Variants in PDE11A observed in about 807,000 individuals in gnomAD.
PDE11A encodes the protein phosphodiesterase 11A, also known as dual 3',5'-cyclic-AMP and -GMP phosphodiesterase 11A.
A neutral mutation model predicts 100.5 loss-of-function variants in PDE11A; 100 were observed. The ratio of observed to expected loss-of-function variants is 1.00; its 90% CI spans 0.85 to 1.18. The LOEUF (loss-of-function observed/expected upper bound fraction) is 1.18. Ranked by LOEUF, PDE11A falls within the 50% of genes most tolerant of loss-of-function variation. The pLI is 0.00. For missense variants in PDE11A, 1,141 were observed against 1,152.6 expected (o/e 0.99, Z 0.15); for synonymous variants, 381 against 420.8 (o/e 0.91, Z 1.16).
intron 17 of PDE11A, 115 bp downstream of exon 17, chr2:177,675,340 T>A (rs569604307): frequency 1.3e-6 from 1 of 774,558 alleles, no homozygotes; most frequent in Admixed American, 1.9e-5. Flanking sequence ...ATGTTAATAC[T>A]GATGCAAATT....
intron 4 of PDE11A, among the ~76,000 whole-genome samples, chr2:177,894,429 G>A (rs1001429745): frequency 6.6e-6 from 1 of 152,034 alleles, no homozygotes; most frequent in African/African-American, 2.4e-5. Context: ...TCCGTATGGT[G>A]TTACAGGAGC....
chr2:177,645,336 T>C (rs61311927), intron 19 of PDE11A, among the ~76,000 whole-genome samples: 29,649 of 152,060 alleles, frequency 0.19, 4,600 homozygotes, highest in African/African-American at 0.43. Flanking sequence ...CAGGTGTGTG[T>C]CACCAGGCCT....
chr2:178,024,221 G>C (rs184628929), intron 1 of PDE11A, among the ~76,000 whole-genome samples: 1 of 152,082 alleles, frequency 6.6e-6, no homozygotes, highest in Non-Finnish European at 1.5e-5. Flanking sequence ...AGACCAGCCC[G>C]GCTAACAAGC....
chr2:177,706,008 G>A (rs2081273777), intron 13 of PDE11A, among the ~76,000 whole-genome samples: 1 of 152,218 alleles, frequency 6.6e-6, no homozygotes, highest in Non-Finnish European at 1.5e-5. Flanking sequence ...AAACAGGGGA[G>A]AGGTGTGAAC....
At chr2:177,753,994 A>T (rs2082057189) in intron 10 of PDE11A, among the ~76,000 whole-genome samples, 2 of 152,046 alleles carry the variant, frequency 1.3e-5, no homozygotes, top group South Asian at 4.2e-4. Context: ...GCTGAGGCCC[A>T]TCTGGATCAT....
chr2:177,796,062 C>A (rs1026639099), intron 9 of PDE11A, among the ~76,000 whole-genome samples: 3 of 144,510 alleles, frequency 2.1e-5, no homozygotes, highest in Admixed American at 7.1e-5. Context: ...ATATATATAT[C>A]TTTGCTGTAA....
intron 2 of PDE11A, among the ~76,000 whole-genome samples, chr2:177,970,648 T>C (rs936241601): frequency 8.6e-5 from 13 of 152,040 alleles, no homozygotes; most frequent in African/African-American, 3.1e-4. Flanking sequence ...AGAAGTCAAA[T>C]AAGCCTAGTG....
At chr2:177,736,964 G>A (rs1454179725) in intron 10 of PDE11A, among the ~76,000 whole-genome samples, 1 of 152,200 alleles carries the variant, frequency 6.6e-6, no homozygotes, top group East Asian at 1.9e-4. Flanking sequence ...AAAGAGGCTG[G>A]GTGCGGTGGC....
intron 2 of PDE11A, chr2:177,997,988 A>G: frequency 1.7e-6 from 2 of 1,207,328 alleles, no homozygotes; most frequent in South Asian, 2.4e-5. Context: ...TGCTCACAGA[A>G]ATATGTCACA....
At chr2:178,105,567 A>G (rs2087608518) in intron 1 of PDE11A, 2 of 333,728 alleles carry the variant, frequency 6.0e-6, no homozygotes, top group Non-Finnish European at 1.1e-5. Context: ...ATAACTAAAT[A>G]AATGCCTCCT....
At chr2:177,925,276 C>G (rs1191735347) in intron 2 of PDE11A, among the ~76,000 whole-genome samples, 1 of 152,114 alleles carries the variant, frequency 6.6e-6, no homozygotes, top group East Asian at 1.9e-4. Context: ...AATGTTATTT[C>G]TAGTTCTAGA....
intron 9 of PDE11A, among the ~76,000 whole-genome samples, chr2:177,798,675 G>T (rs751625738): frequency 4.6e-5 from 7 of 152,162 alleles, no homozygotes; most frequent in Non-Finnish European, 8.8e-5. Flanking sequence ...GAAAGGAGTA[G>T]TGGAATATAA....
intron 2 of PDE11A, among the ~76,000 whole-genome samples, chr2:177,930,425 T>C (rs1052436156): frequency 1.3e-5 from 2 of 149,746 alleles, no homozygotes; most frequent in African/African-American, 2.5e-5. Flanking sequence ...CAGATTAGAA[T>C]AGACCAAAAA....
At chr2:177,786,995 C>A (rs1394076778) in intron 9 of PDE11A, among the ~76,000 whole-genome samples, 1 of 146,020 alleles carries the variant, frequency 6.8e-6, no homozygotes, top group African/African-American at 2.6e-5. Context: ...CTTCCCCAAT[C>A]TAGCAAGGCA....
intron 5 of PDE11A, among the ~76,000 whole-genome samples, chr2:177,860,386 T>G (rs1162118333): frequency 6.6e-6 from 1 of 151,748 alleles, no homozygotes; most frequent in East Asian, 1.9e-4. Context: ...AAAGCAAGTA[T>G]CAAAACAACT....
intron 2 of PDE11A, among the ~76,000 whole-genome samples, chr2:177,981,537 T>G (rs576795639): frequency 6.6e-6 from 1 of 150,728 alleles, no homozygotes; most frequent in South Asian, 2.2e-4. Context: ...TCTCTCTCTG[T>G]CCAAATTGAC....
intron 5 of PDE11A, among the ~76,000 whole-genome samples, chr2:177,862,913 C>A (rs534372268): frequency 1.3e-5 from 2 of 152,010 alleles, no homozygotes; most frequent in Admixed American, 6.6e-5. Flanking sequence ...GGAGGCATCA[C>A]ACTTCCTGAT....
At chr2:177,772,518 A>G (rs1314734758) in intron 9 of PDE11A, among the ~76,000 whole-genome samples, 1 of 152,114 alleles carries the variant, frequency 6.6e-6, no homozygotes, top group Non-Finnish European at 1.5e-5. Context: ...TTTCAGTTTT[A>G]CTGTGGTAAA....
intron 5 of PDE11A, among the ~76,000 whole-genome samples, chr2:177,871,593 T>C (rs1239372309): frequency 6.6e-5 from 10 of 150,818 alleles, no homozygotes; most frequent in Admixed American, 1.3e-4. Context: ...AGGCTTGGCA[T>C]GGTGGTTCAC....
Sources: gnomAD v4.1 joint callset for allele counts (sites outside exome capture counted in the v4.1 genomes callset) on GRCh38, gnomAD v4.1.1 for gene constraint, MANE v1.5 for transcripts, NCBI Gene and HGNC (gene_info 2026-07-23, HGNC 2026-07-21) for gene names.